Variants in DGKQ observed in about 807,000 individuals in gnomAD.
The protein encoded by DGKQ is DAG kinase theta.
Under a neutral mutation model 104.2 loss-of-function variants are expected in DGKQ, and 97 were observed. The ratio of observed to expected loss-of-function variants is 0.93; its 90% CI spans 0.79 to 1.10. DGKQ has a LOEUF of 1.10. Among genes scored for constraint, DGKQ ranks in the 50% least tolerant of loss-of-function variants. DGKQ has a pLI of 0.00. For synonymous variants in DGKQ, 736 were observed against 595.2 expected (o/e 1.24, Z -3.44); for missense variants, 1,465 against 1,352.1 (o/e 1.08, Z -1.31).
chr4:964,415 GGAC>G (rs1368574135), intron 15 of DGKQ, among the ~76,000 whole-genome samples: 8 of 152,202 alleles, frequency 5.3e-5, no homozygotes, highest in Non-Finnish European at 8.8e-5. Context: ...GATGGGCTGA[GGAC>G]GAGAGGCCAA....
In DGKQ at chr4:968,340, T is replaced by C; in HGVS notation, c.605A>G (p.Lys202Arg). 2 of 1,306,858 alleles carry C rather than the reference T, an allele frequency of 1.5e-6. No individual in the cohort carries two copies. The highest frequency in any genetic ancestry group is 2.5e-5 in the South Asian group (2 of 79,282). The allele number at this position is 1,306,858 out of a possible 1,614,324, so 81.0% of individuals were successfully genotyped here. Residue 202 changes from lysine (K) to arginine (R), a missense_variant, in exon 5 of 23, where the codon AAG (lysine) becomes AGG (arginine). Lys to Arg is a conservative substitution (Grantham distance 26). Coordinates refer to ENST00000273814, the MANE Select transcript of DGKQ (RefSeq NM_001347.4). ...PSGARCEVCRKTCGSSDVLAG... is the reference protein window; with the variant it reads ...PSGARCEVCRRTCGSSDVLAG... ...CAGCACGTCAGAGGAGCCGCACGTC[T>C]TCCTGCAGACCTCGCAGCGCGCTCC...
intron 2 of DGKQ, among the ~76,000 whole-genome samples, chr4:969,445 C>G (rs1255467409): frequency 1.3e-5 from 2 of 152,216 alleles, no homozygotes; most frequent in Non-Finnish European, 1.5e-5. Flanking sequence ...TGTTGCTTTT[C>G]CACGAGAAGG....
chr4:960,530 T>C lies in DGKQ; in HGVS notation c.*90A>G. 1.6e-6 allele frequency: 2 copies of C among 1,222,558 alleles called. No individual in the cohort carries two copies. Among genetic ancestry groups the C allele is most frequent in the South Asian group, 1.3e-5 (1 of 79,284 alleles). 75.7% of individuals were successfully genotyped at this position (1,222,558 alleles called of 1,614,324 possible). On this transcript the variant is annotated 3_prime_UTR_variant, in exon 23 of 23. Coordinates refer to ENST00000273814, the MANE Select transcript of DGKQ (RefSeq NM_001347.4). ...CAGGTCCGACCACAGGGCCGGCCACTGTGTGGACGTGGAGCTGCCTCCAGA... is the reference window on the plus strand; with the variant it reads ...CAGGTCCGACCACAGGGCCGGCCACCGTGTGGACGTGGAGCTGCCTCCAGA...
In DGKQ at chr4:960,435, A is replaced by G. The variant is rs1711788495; in HGVS notation, c.*185T>C. 5.0e-6 allele frequency: 3 copies of G among 603,826 alleles called. No homozygotes were observed. The highest frequency in any genetic ancestry group is 1.9e-5 in the South Asian group (1 of 51,964). 37.4% of individuals were successfully genotyped at this position (603,826 alleles called of 1,614,324 possible). A position where few individuals can be genotyped will look rare whatever the true frequency, so the allele number is the denominator to read the frequency against. Reference sequence around the variant, plus strand: ...GTGGGATGAGGGCTGTGACACCAACATGTGTCACCAATGGGATGAGGGCGG... The same window carrying G: ...GTGGGATGAGGGCTGTGACACCAACGTGTGTCACCAATGGGATGAGGGCGG... On this transcript the variant is annotated 3_prime_UTR_variant, in exon 23 of 23. Coordinates refer to ENST00000273814, the MANE Select transcript of DGKQ (RefSeq NM_001347.4).
chr4:962,734 C>A, intron 17 of DGKQ, 38 bp downstream of exon 17: 2 of 1,597,278 alleles, frequency 1.3e-6, no homozygotes, highest in Non-Finnish European at 8.5e-7. Flanking sequence ...AAGGGGTAGA[C>A]CCTGAGGCCC....
Position 965,473 on chromosome 4 carries a change from T to C in DGKQ, c.1618+18A>G. ...CACCCCTGGGCCTCATGTGACCACG[T>C]CCCTCAGGGCAGCTCACCTTGGGAG... On this transcript the variant is annotated intron_variant, in intron 14 of 22. Coordinates refer to ENST00000273814, the MANE Select transcript of DGKQ (RefSeq NM_001347.4). 1 of 1,609,576 alleles carries C rather than the reference T, an allele frequency of 6.2e-7. No homozygotes were observed. The highest frequency in any genetic ancestry group is 8.5e-7 in the Non-Finnish European group (1 of 1,178,514).
chr4:966,925 GA>G (rs764518989), intron 10 of DGKQ, 38 bp downstream of exon 10: 5 of 1,546,802 alleles, frequency 3.2e-6, no homozygotes, highest in African/African-American at 1.4e-5. Context: ...ACCCCCCACC[GA>G]GTCTGGCCGG....
At chr4:969,410 G>A (rs922204775) in intron 2 of DGKQ, among the ~76,000 whole-genome samples, 2 of 152,358 alleles carry the variant, frequency 1.3e-5, no homozygotes, top group South Asian at 4.1e-4. Flanking sequence ...GTGGACCAAT[G>A]TTTCTGTGTT....
chr4:963,908 G>A (rs1712084865), intron 15 of DGKQ, among the ~76,000 whole-genome samples: 2 of 152,220 alleles, frequency 1.3e-5, no homozygotes, highest in South Asian at 4.1e-4. Flanking sequence ...ACGACAGGAG[G>A]CTGGGGCCCC....
rs1711736464 is a variant in DGKQ at position 959,744 on chromosome 4, C to T, written c.*876G>A. On this transcript the variant is annotated 3_prime_UTR_variant, in exon 23 of 23. Coordinates refer to ENST00000273814, the MANE Select transcript of DGKQ (RefSeq NM_001347.4). ...CACGTGCATGGGCTGTTTACACCTC[C>T]CAAACTCCTCTGCACCGCCATGCCC... 6.6e-6 allele frequency: 1 copy of T among 152,286 alleles called. No individual in the cohort carries two copies. The highest frequency in any genetic ancestry group is 6.5e-5 in the Admixed American group (1 of 15,290). The allele number at this position is 152,286 out of a possible 1,614,324, so 9.4% of individuals were successfully genotyped here.
intron 6 of DGKQ, 37 bp downstream of exon 6, chr4:967,843 C>T: frequency 6.6e-7 from 1 of 1,526,516 alleles, no homozygotes; most frequent in Non-Finnish European, 8.8e-7. Flanking sequence ...AGTGCGCAGC[C>T]CCCAGCCCAG....
Position 965,970 on chromosome 4 carries a change from C to A in DGKQ, c.1537G>T (p.Glu513Ter). The A allele has an allele frequency of 6.2e-7, 1 of 1,605,286 alleles. No homozygotes were observed. The highest frequency in any genetic ancestry group is 8.5e-7 in the Non-Finnish European group (1 of 1,176,680). The change falls in exon 13 of 23, where the codon GAG becomes TAG. Residue 513 changes from glutamate to a stop codon, truncating the protein, a stop_gained. Coordinates refer to ENST00000273814, the MANE Select transcript of DGKQ (RefSeq NM_001347.4). LOFTEE classifies it high-confidence loss of function. ...TCATGCAGCAGGCTGCTGTACTCCTCGGGAGACAGGCCGGGAGGCAGGCCG... is the reference window on the plus strand; with the variant it reads ...TCATGCAGCAGGCTGCTGTACTCCTAGGGAGACAGGCCGGGAGGCAGGCCG... ...VGGLPPGLSP[E>*]EYSSLLHEAG...
chr4:973,200 C>T lies in DGKQ; in HGVS notation c.271+12G>A. 2 of 1,541,488 alleles carry T rather than the reference C, an allele frequency of 1.3e-6. No individual in the cohort carries two copies. Among genetic ancestry groups the T allele is most frequent in the Non-Finnish European group, 1.7e-6 (2 of 1,146,874 alleles). ...GGCTGCAGCCGGGTAGGCATCGGGC[C>T]CGGGCGCTCACCGTCGCACAGGAAG... On this transcript the variant is annotated intron_variant, in intron 1 of 22. Transcript: ENST00000273814.
chr4:961,655 G>T, intron 20 of DGKQ, 33 bp downstream of exon 20: 1 of 1,611,682 alleles, frequency 6.2e-7, no homozygotes. Flanking sequence ...GCCCCGCCGG[G>T]CAGAGCCTCT....
intron 15 of DGKQ, among the ~76,000 whole-genome samples, chr4:963,720 C>T (rs1167497991): frequency 1.3e-5 from 2 of 151,972 alleles, no homozygotes; most frequent in Non-Finnish European, 2.9e-5. Flanking sequence ...GGCTCCCAGG[C>T]CACCGCCCAC....
chr4:967,293 A>T lies in DGKQ; in HGVS notation c.1056T>A (p.Pro352=). 2 of 1,543,930 alleles carry T rather than the reference A, an allele frequency of 1.3e-6. No individual in the cohort carries two copies. The highest frequency in any genetic ancestry group is 1.7e-6 in the Non-Finnish European group (2 of 1,149,684). The part of the protein sequence containing the change: ...PGHLELCRLP[P]SSQACDAWAG... ...CCCAGGCGTCACAGGCCTGAGAGGA[A>T]GGGGGCAGCCGGCACAGCTCCAGGT... The change falls in exon 9 of 23, where the codon CCT becomes CCA. Residue 352 remains proline, a synonymous_variant. Coordinates refer to ENST00000273814, the MANE Select transcript of DGKQ (RefSeq NM_001347.4).
At chr4:966,102 C>T (rs766611141) in intron 12 of DGKQ, 24 bp from the exon 13 acceptor site, 8 of 1,580,044 alleles carry the variant, frequency 5.1e-6, no homozygotes, top group Non-Finnish European at 6.9e-6. Flanking sequence ...GGCGGGGATG[C>T]TGGGCCGGGG....
At chr4:967,416 TG>T in intron 8 of DGKQ, 55 bp from the exon 9 acceptor site, 8 of 454,854 alleles carry the variant, frequency 1.8e-5, no homozygotes, top group Non-Finnish European at 2.3e-5. Context: ...CGGGGTTCAG[TG>T]GGGGGCAGGT....
Position 960,008 on chromosome 4 carries a change from C to T in DGKQ, c.*612G>A, listed in dbSNP as rs1422135363. The T allele has an allele frequency of 1.3e-5, 2 of 152,812 alleles. No individual in the cohort carries two copies. The highest frequency in any genetic ancestry group is 2.9e-5 in the Non-Finnish European group (2 of 68,466). The allele number at this position is 152,812 out of a possible 1,614,324, so 9.5% of individuals were successfully genotyped here. A position where few individuals can be genotyped will look rare whatever the true frequency, so the allele number is the denominator to read the frequency against. ...AAGCTGCCATCTGTATATAACAAGG[C>T]CAGAAAACAAGGGAAGGCACCTTCT... On this transcript the variant is annotated 3_prime_UTR_variant, in exon 23 of 23. Coordinates refer to ENST00000273814, the MANE Select transcript of DGKQ (RefSeq NM_001347.4).
Sources: gnomAD v4.1 joint callset for allele counts (sites outside exome capture counted in the v4.1 genomes callset) on GRCh38, gnomAD v4.1.1 for gene constraint, MANE v1.5 for transcripts, NCBI Gene and HGNC (gene_info 2026-07-23, HGNC 2026-07-21) for gene names.